Variants in IQGAP2 observed in about 807,000 individuals in gnomAD.
IQGAP2 encodes the protein ras GTPase-activating-like protein IQGAP2.
A neutral mutation model predicts 201.3 loss-of-function variants in IQGAP2; 173 were observed. That is an observed-to-expected ratio of 0.86 (90% CI 0.76 to 0.98). IQGAP2 has a LOEUF of 0.98. IQGAP2 is among the 50% of genes least tolerant of loss of function. The pLI, the probability that IQGAP2 is intolerant of heterozygous loss-of-function variation, is 0.00. For synonymous variants in IQGAP2, 675 were observed against 673.9 expected (o/e 1.00, Z -0.03); for missense variants, 1,687 against 1,864.8 (o/e 0.90, Z 1.76).
intron 1 of IQGAP2, among the ~76,000 whole-genome samples, chr5:76,426,668 A>T (rs564644756): frequency 1.8e-3 from 281 of 152,232 alleles, no homozygotes; most frequent in Admixed American, 3.1e-3. Context: ...GTCTGCTGGG[A>T]AGCAGCCCCT....
chr5:76,496,472 CAT>C (rs1470643143), intron 2 of IQGAP2, among the ~76,000 whole-genome samples: 1 of 152,186 alleles, frequency 6.6e-6, no homozygotes, highest in African/African-American at 2.4e-5. Context: ...GACAGAGTCT[CAT>C]ATGATGCAAG....
At chr5:76,645,026 T>G (rs1751921102) in intron 17 of IQGAP2, among the ~76,000 whole-genome samples, 1 of 151,512 alleles carries the variant, frequency 6.6e-6, no homozygotes, top group Non-Finnish European at 1.5e-5. Context: ...CAAGCCCCAG[T>G]GTGTGATGTT....
At chr5:76,538,491 C>T (rs561727351) in intron 2 of IQGAP2, among the ~76,000 whole-genome samples, 1 of 152,302 alleles carries the variant, frequency 6.6e-6, no homozygotes, top group South Asian at 2.1e-4. Flanking sequence ...CTCTGCCTGC[C>T]TCAAGCCGGA....
intron 1 of IQGAP2, among the ~76,000 whole-genome samples, chr5:76,432,046 T>C (rs7731045): frequency 0.36 from 53,895 of 150,274 alleles, 10,227 homozygotes; most frequent in Middle Eastern, 0.43. Flanking sequence ...TAGTTAATTA[T>C]AGATAATAAT....
chr5:76,678,883 TTTC>T (rs1209467323), intron 28 of IQGAP2, among the ~76,000 whole-genome samples: 3 of 152,208 alleles, frequency 2.0e-5, no homozygotes, highest in Non-Finnish European at 2.9e-5. Context: ...TAGTATTGAT[TTTC>T]TTCTTTCAGG....
intron 4 of IQGAP2, among the ~76,000 whole-genome samples, chr5:76,574,234 T>G (rs569848817): frequency 3.0e-4 from 46 of 152,316 alleles, no homozygotes; most frequent in Non-Finnish European, 1.6e-4. Context: ...TAATTATTTT[T>G]TGTGTGTGCT....
At chr5:76,501,857 G>A (rs1757299037) in intron 2 of IQGAP2, among the ~76,000 whole-genome samples, 1 of 151,770 alleles carries the variant, frequency 6.6e-6, no homozygotes, top group South Asian at 2.1e-4. Flanking sequence ...TGGTCCGGGT[G>A]GTCTCGAACT....
At chr5:76,537,478 T>A (rs1759689612) in intron 2 of IQGAP2, among the ~76,000 whole-genome samples, 1 of 151,718 alleles carries the variant, frequency 6.6e-6, no homozygotes, top group Admixed American at 6.6e-5. Flanking sequence ...GTGCATTCTG[T>A]TCACAACTAT....
At chr5:76,459,019 CTT>C (rs990061363) in intron 1 of IQGAP2, among the ~76,000 whole-genome samples, 2 of 152,096 alleles carry the variant, frequency 1.3e-5, no homozygotes, top group African/African-American at 4.8e-5. Context: ...ATCAGGAAGA[CTT>C]TGGGAAGAAA....
intron 18 of IQGAP2, among the ~76,000 whole-genome samples, 180 bp from the exon 19 acceptor site, chr5:76,654,020 T>C (rs1321700855): frequency 6.6e-6 from 1 of 152,234 alleles, no homozygotes; most frequent in East Asian, 1.9e-4. Flanking sequence ...TTAAGAAACC[T>C]CAGTGAAAGA....
Position 76,702,141 on chromosome 5 carries a change from C to T in IQGAP2, c.4506-341C>T, listed in dbSNP as rs562062301. Among the ~76,000 whole-genome samples the T allele has an allele frequency of 4.5e-3, 682 of 152,356 alleles. 1 individual carries two copies. The highest frequency in any genetic ancestry group is 6.1e-3 in the Non-Finnish European group (412 of 68,040). On this transcript the variant is annotated intron_variant, in intron 34 of 35. Coordinates refer to ENST00000274364, the MANE Select transcript of IQGAP2 (RefSeq NM_006633.5). ...TCTATAAAAGTTATCATCTGAAATA[C>T]TCAATTGGCTATAGGTCAATAATGT...
At chr5:76,423,405 G>A (rs1266496459) in intron 1 of IQGAP2, among the ~76,000 whole-genome samples, 1 of 152,062 alleles carries the variant, frequency 6.6e-6, no homozygotes, top group Admixed American at 6.6e-5. Context: ...GGTGGATCAC[G>A]AGATCAGGAG....
At chr5:76,669,233 A>C (rs1315680569) in intron 23 of IQGAP2, among the ~76,000 whole-genome samples, 1 of 152,178 alleles carries the variant, frequency 6.6e-6, no homozygotes, top group African/African-American at 2.4e-5. Flanking sequence ...TACTTTTGCT[A>C]ATTTATTTTC....
At position 76,641,017 on chromosome 5, in the gene IQGAP2, A is replaced by C; in HGVS notation, c.2008A>C (p.Thr670Pro). Reference sequence around the variant, plus strand: ...AGAGTTGCTTCTTCGCTTTCAAGCCACAAGCTCAGGACCCATCCTTAGGGA... The same window carrying C: ...AGAGTTGCTTCTTCGCTTTCAAGCCCCAAGCTCAGGACCCATCCTTAGGGA... ...SEELLLRFQATSSGPILREEF... is the reference protein window; with the variant it reads ...SEELLLRFQAPSSGPILREEF... The change falls in exon 17 of 36, where the codon ACA (threonine) becomes CCA (proline). Residue 670 changes from threonine to proline, a missense_variant. Thr to Pro is a conservative substitution (Grantham distance 38). Transcript: ENST00000274364. 6.2e-7 allele frequency: 1 copy of C among 1,611,412 alleles called. No individual in the cohort carries two copies. The highest frequency in any genetic ancestry group is 8.5e-7 in the Non-Finnish European group (1 of 1,177,762).
In IQGAP2 at chr5:76,606,247, A is replaced by T; in HGVS notation, c.1301A>T (p.Asn434Ile). Residue 434 changes from asparagine to isoleucine, a missense_variant, in exon 12 of 36, where the codon AAT becomes ATT. Transcript: ENST00000274364. ...LSQGQDNLSWNEIQNCIDMVN... is the reference protein window; with the variant it reads ...LSQGQDNLSWIEIQNCIDMVN... Reference sequence around the variant, plus strand: ...CAAGGGCAAGATAACTTAAGCTGGAATGAAATTCAGAATTGTATTGATATG... The same window carrying T: ...CAAGGGCAAGATAACTTAAGCTGGATTGAAATTCAGAATTGTATTGATATG... 1.2e-6 allele frequency: 2 copies of T among 1,605,654 alleles called. No individual in the cohort carries two copies. Among genetic ancestry groups the T allele is most frequent in the South Asian group, 2.2e-5 (2 of 89,500 alleles).
intron 2 of IQGAP2, among the ~76,000 whole-genome samples, chr5:76,549,475 T>C (rs1743303822): frequency 6.6e-6 from 1 of 151,894 alleles, no homozygotes; most frequent in African/African-American, 2.4e-5. Context: ...TAGTAATAAA[T>C]GCAGTGAAGA....
At chr5:76,695,721 C>T in intron 32 of IQGAP2, 55 bp downstream of exon 32, 1 of 1,406,586 alleles carries the variant, frequency 7.1e-7, no homozygotes, top group Non-Finnish European at 1.0e-6. Context: ...TGCTAATCAC[C>T]AGTCAAGTGC....
At chr5:76,506,757 A>G (rs1757625837) in intron 2 of IQGAP2, among the ~76,000 whole-genome samples, 1 of 152,212 alleles carries the variant, frequency 6.6e-6, no homozygotes, top group South Asian at 2.1e-4. Context: ...TGAAAACACA[A>G]CACACTTACA....
intron 35 of IQGAP2, among the ~76,000 whole-genome samples, chr5:76,706,356 C>T (rs1040616664): frequency 5.4e-5 from 8 of 147,936 alleles, no homozygotes; most frequent in Admixed American, 4.7e-4. Flanking sequence ...TTTTGTTTTT[C>T]GGGTTTTTTG....
Sources: allele counts gnomAD v4.1 joint callset (sites outside exome capture counted in the v4.1 genomes callset), GRCh38; gene constraint gnomAD v4.1.1; transcripts MANE v1.5; gene names NCBI Gene and HGNC (gene_info 2026-07-23, HGNC 2026-07-21).